Variants in TTC27 observed in about 807,000 individuals in gnomAD.
TTC27 encodes tetratricopeptide repeat protein 27.
Under a neutral mutation model 115.9 loss-of-function variants are expected in TTC27, and 79 were observed. That is an observed-to-expected ratio of 0.68 (90% CI 0.57 to 0.82). TTC27 has a LOEUF of 0.82. TTC27 is among the 40% of genes least tolerant of loss of function. TTC27 has a pLI of 0.00. For missense variants in TTC27, 1,054 were observed against 993.1 expected (o/e 1.06, Z -0.82); for synonymous variants, 401 against 356.0 (o/e 1.13, Z -1.42).
At chr2:32,634,745 C>T (rs1664348019) in intron 3 of TTC27, among the ~76,000 whole-genome samples, 1 of 151,976 alleles carries the variant, frequency 6.6e-6, no homozygotes. Flanking sequence ...CAACCTCTGC[C>T]CCATGGGTTC....
intron 5 of TTC27, among the ~76,000 whole-genome samples, chr2:32,662,083 A>G (rs1665569241): frequency 6.6e-6 from 1 of 152,158 alleles, no homozygotes; most frequent in African/African-American, 2.4e-5. Flanking sequence ...TAATTTGCAT[A>G]TGTTGAACCA....
chr2:32,727,409 A>G (rs1054069680), intron 10 of TTC27, among the ~76,000 whole-genome samples: 4 of 152,148 alleles, frequency 2.6e-5, no homozygotes, highest in African/African-American at 9.6e-5. Context: ...TTATTATAAC[A>G]GAGTATTTAA....
chr2:32,634,876 C>G (rs1664353825), intron 3 of TTC27, among the ~76,000 whole-genome samples: 1 of 150,588 alleles, frequency 6.6e-6, no homozygotes. Flanking sequence ...AGGCTGGTCC[C>G]AAACTCCTGA....
intron 9 of TTC27, among the ~76,000 whole-genome samples, chr2:32,694,298 A>G (rs2151896483): frequency 6.6e-6 from 1 of 152,360 alleles, no homozygotes; most frequent in East Asian, 1.9e-4. Flanking sequence ...ACTATAATTA[A>G]CTATACAGAA....
At chr2:32,706,024 T>C (rs1667353629) in intron 10 of TTC27, among the ~76,000 whole-genome samples, 2 of 151,794 alleles carry the variant, frequency 1.3e-5, no homozygotes, top group African/African-American at 4.8e-5. Flanking sequence ...TATGGATTCC[T>C]GTTTTATTTT....
At chr2:32,786,618 T>A (rs1327844908) in intron 15 of TTC27, among the ~76,000 whole-genome samples, 2 of 152,202 alleles carry the variant, frequency 1.3e-5, no homozygotes, top group Admixed American at 1.3e-4. Context: ...TGTCTGCACC[T>A]TTTGTCTTAC....
chr2:32,690,537 C>T (rs1268258085), intron 9 of TTC27, among the ~76,000 whole-genome samples: 5 of 152,108 alleles, frequency 3.3e-5, no homozygotes, highest in Non-Finnish European at 5.9e-5. Flanking sequence ...TCAAAGAAGG[C>T]TTTGTTCACT....
At chr2:32,742,610 C>T (rs562978285) in intron 12 of TTC27, among the ~76,000 whole-genome samples, 1 of 152,272 alleles carries the variant, frequency 6.6e-6, no homozygotes, top group East Asian at 1.9e-4. Flanking sequence ...TCAGCTGCTG[C>T]TCATAGAATA....
chr2:32,815,873 T>C (rs752929422), intron 18 of TTC27, among the ~76,000 whole-genome samples: 10 of 152,314 alleles, frequency 6.6e-5, no homozygotes, highest in Admixed American at 2.0e-4. Flanking sequence ...ATGAGAAATG[T>C]CAAAGTCTAA....
intron 5 of TTC27, 40 bp from the exon 6 acceptor site, chr2:32,664,263 T>C (rs1559194488): frequency 1.3e-6 from 2 of 1,538,688 alleles, no homozygotes; most frequent in Non-Finnish European, 1.8e-6. Flanking sequence ...ATATTTTTCT[T>C]CTCATCATAA....
At chr2:32,649,605 T>A (rs1665007371) in intron 4 of TTC27, among the ~76,000 whole-genome samples, 1 of 150,976 alleles carries the variant, frequency 6.6e-6, no homozygotes, top group Non-Finnish European at 1.5e-5. Context: ...AGTGCAATGG[T>A]GCATCCTCGG....
chr2:32,694,629 T>C (rs1666922104), intron 9 of TTC27, among the ~76,000 whole-genome samples: 1 of 152,124 alleles, frequency 6.6e-6, no homozygotes, highest in Admixed American at 6.6e-5. Context: ...ATATGTTCTG[T>C]TTATGTTTTT....
chr2:32,769,311 T>C (rs1274331999), intron 13 of TTC27, among the ~76,000 whole-genome samples: 3 of 152,292 alleles, frequency 2.0e-5, no homozygotes, highest in African/African-American at 7.2e-5. Context: ...CATGTAGTGA[T>C]AAAGTGCAGA....
intron 16 of TTC27, among the ~76,000 whole-genome samples, chr2:32,793,809 C>T (rs2148028761): frequency 6.6e-6 from 1 of 152,200 alleles, no homozygotes; most frequent in African/African-American, 2.4e-5. Flanking sequence ...AGGTGTGAGC[C>T]ACCATACCCG....
chr2:32,635,003 G>T (rs1217004574), intron 3 of TTC27, among the ~76,000 whole-genome samples: 2 of 152,104 alleles, frequency 1.3e-5, no homozygotes, highest in Non-Finnish European at 2.9e-5. Flanking sequence ...CCCAGGAGTG[G>T]TTTGCTCCCA....
At chr2:32,656,806 G>A (rs539874327) in intron 5 of TTC27, among the ~76,000 whole-genome samples, 7 of 151,938 alleles carry the variant, frequency 4.6e-5, no homozygotes, top group African/African-American at 9.7e-5. Context: ...CAGTCTTTAT[G>A]GGTTTCCCCC....
At chr2:32,713,559 G>A (rs761843643) in intron 10 of TTC27, among the ~76,000 whole-genome samples, 5 of 152,252 alleles carry the variant, frequency 3.3e-5, no homozygotes, top group East Asian at 1.9e-4. Flanking sequence ...TGTCCAAGCC[G>A]TTGTGCCTCT....
intron 16 of TTC27, among the ~76,000 whole-genome samples, chr2:32,803,231 G>A (rs555747596): frequency 1.7e-3 from 255 of 152,312 alleles, no homozygotes; most frequent in African/African-American, 4.7e-3. Context: ...TCTAACCTCA[G>A]TGAGTGGAGG....
chr2:32,750,885 G>C (rs1169329080), intron 12 of TTC27, among the ~76,000 whole-genome samples: 1 of 152,182 alleles, frequency 6.6e-6, no homozygotes, highest in Admixed American at 6.5e-5. Flanking sequence ...CATTGGCACA[G>C]AAGTTTTTTA....
Sources: allele counts gnomAD v4.1 joint callset (sites outside exome capture counted in the v4.1 genomes callset), GRCh38; gene constraint gnomAD v4.1.1; transcripts MANE v1.5; gene names NCBI Gene and HGNC (gene_info 2026-07-23, HGNC 2026-07-21).